SELENOO: variants seen among roughly 807,000 people sequenced by gnomAD.
SELENOO encodes the protein protein adenylyltransferase SelO, mitochondrial.
SELENOO carries 74 observed loss-of-function variants against 58.7 expected under a neutral mutation model. The observed-to-expected ratio is 1.26, with a 90% confidence interval of 1.04 to 1.53. SELENOO has a LOEUF of 1.53. Ranked by LOEUF, SELENOO falls within the 40% of genes most tolerant of loss-of-function variation. The probability of loss-of-function intolerance (pLI) is 0.00; values close to 1 mark genes in which losing one functional copy is unlikely to be tolerated. For missense variants in SELENOO, 1,149 were observed against 970.0 expected (o/e 1.18, Z -2.45); for synonymous variants, 543 against 453.2 (o/e 1.20, Z -2.52).
chr22:50,217,585 CA>C lies in SELENOO; in HGVS notation c.*217del. The C allele has an allele frequency of 1.0e-6, 1 of 973,060 alleles. No homozygotes were observed. The allele number at this position is 973,060 out of a possible 1,614,324, so 60.3% of individuals were successfully genotyped here. A position where few individuals can be genotyped will look rare whatever the true frequency, so the allele number is the denominator to read the frequency against. ...CAGCCTGGTCCCTGGGGGCTGGACC[CA>C]GGCTCCTAAATAAACCAGCAACTCC... is the stretch of plus-strand genomic sequence containing the variant. On this transcript the variant is annotated 3_prime_UTR_variant, in exon 9 of 9. Coordinates refer to ENST00000380903, the MANE Select transcript of SELENOO (RefSeq NM_031454.2).
chr22:50,206,147 C>T (rs777333876), intron 1 of SELENOO, 170 bp from the exon 2 acceptor site: 10 of 613,752 alleles, frequency 1.6e-5, no homozygotes, highest in Non-Finnish European at 2.6e-5. Flanking sequence ...TGGAACTGGG[C>T]GGTGTTGGAG....
chr22:50,212,276 G>T (rs1569103641), intron 5 of SELENOO, among the ~76,000 whole-genome samples: 1 of 152,076 alleles, frequency 6.6e-6, no homozygotes, highest in Admixed American at 6.6e-5. Flanking sequence ...GCTTTTCTTT[G>T]TTGGAAAAAT....
In SELENOO at chr22:50,210,670, C is replaced by T. The variant is rs557415907; in HGVS notation, c.1110C>T (p.Thr370=). 42 of 1,613,090 alleles carry T rather than the reference C, an allele frequency of 2.6e-5. No homozygotes were observed. The highest frequency in any genetic ancestry group is 2.2e-4 in the East Asian group (10 of 44,886). The change falls in exon 5 of 9, where the codon ACC becomes ACT. Residue 370 remains threonine (T), a synonymous_variant. Transcript: ENST00000380903. The part of the protein sequence containing the change: ...PDHVCNASDN[T]GRYAYSKQPE... ...ACGTGTGCAATGCCTCCGACAACACCGGCCGCTACGCGTACAGCAAGCAGC... is the reference window on the plus strand; with the variant it reads ...ACGTGTGCAATGCCTCCGACAACACTGGCCGCTACGCGTACAGCAAGCAGC...
At chr22:50,212,436 C>T (rs1473631049) in intron 5 of SELENOO, among the ~76,000 whole-genome samples, 2 of 152,102 alleles carry the variant, frequency 1.3e-5, no homozygotes, top group Non-Finnish European at 2.9e-5. Context: ...TATAATTGTT[C>T]GTAGCAGTTT....
In SELENOO at chr22:50,207,555, G is replaced by A. The variant is rs117996558; in HGVS notation, c.759-981G>A. On this transcript the variant is annotated intron_variant, in intron 2 of 8. Coordinates refer to ENST00000380903, the MANE Select transcript of SELENOO (RefSeq NM_031454.2). ...ACACCAGCCGCCCACCCCTGAGGCT[G>A]CCTGTGGGCCTCTGGCTTTTCCTGT... Among the ~76,000 whole-genome samples, 282 of 151,730 alleles carry A rather than the reference G, an allele frequency of 1.9e-3. 2 individuals carry two copies. The highest frequency in any genetic ancestry group is 1.9e-3 in the Non-Finnish European group (127 of 67,948).
In SELENOO at chr22:50,206,812, C is replaced by T. The variant is rs150856655; in HGVS notation, c.758+292C>T. ...CTCGTTGCAGCCAGAGATGGCCCTG[C>T]GGGAGCTGGTGTGTCTCAAAGCACC... On this transcript the variant is annotated intron_variant, in intron 2 of 8. Coordinates refer to ENST00000380903, the MANE Select transcript of SELENOO (RefSeq NM_031454.2). Among the ~76,000 whole-genome samples the T allele has an allele frequency of 2.7e-3, 405 of 152,262 alleles. 2 individuals are homozygous for T. Among genetic ancestry groups the T allele is most frequent in the Non-Finnish European group, 3.0e-3 (206 of 68,006 alleles).
chr22:50,210,685 C>T lies in SELENOO; in HGVS notation c.1125C>T (p.Tyr375=), dbSNP rs2064364135. ...CCGACAACACCGGCCGCTACGCGTA[C>T]AGCAAGCAGCCCGAGGTGTGCAGGT... is the stretch of plus-strand genomic sequence containing the variant. ...NASDNTGRYA[Y]SKQPEVCRWN... is the part of the protein sequence containing the mutation. The change falls in exon 5 of 9, where the codon TAC becomes TAT. Residue 375 remains tyrosine (Y), a synonymous_variant. Transcript: ENST00000380903. The T allele has an allele frequency of 1.9e-6, 3 of 1,613,208 alleles. No homozygotes were observed. Among genetic ancestry groups the T allele is most frequent in the Non-Finnish European group, 1.7e-6 (2 of 1,180,012 alleles).
rs754804886 is a variant in SELENOO, at chr22:50,208,724, G to C, written c.939+8G>C. On this transcript the variant is annotated splice_region_variant and intron_variant, in intron 3 of 8. Coordinates refer to ENST00000380903, the MANE Select transcript of SELENOO (RefSeq NM_031454.2). Reference sequence around the variant, plus strand: ...GCTGCCTTCTTCCGGGAGGTCAGTGGGCCGCACGCCACCCCTCCCTGCGGG... The same window carrying C: ...GCTGCCTTCTTCCGGGAGGTCAGTGCGCCGCACGCCACCCCTCCCTGCGGG... 6.2e-7 allele frequency: 1 copy of C among 1,608,960 alleles called. No individual in the cohort carries two copies. Among genetic ancestry groups the C allele is most frequent in the African/African-American group, 1.3e-5 (1 of 74,914 alleles).
chr22:50,206,452 G>GT lies in SELENOO; in HGVS notation c.692dup (p.Tyr232LeufsTer2). 1.2e-6 allele frequency: 2 copies of GT among 1,614,178 alleles called. No homozygotes were observed. Among genetic ancestry groups the GT allele is most frequent in the Non-Finnish European group, 1.7e-6 (2 of 1,180,034 alleles). ...CCGAGTCCACGGTGGTGCGCGACGTGTTCTATGATGGTAATCCCAAATATG... is the reference window on the plus strand; with the variant it reads ...CCGAGTCCACGGTGGTGCGCGACGTGTTTCTATGATGGTAATCCCAAATATG... On this transcript the variant is annotated frameshift_variant, in exon 2 of 9. Transcript: ENST00000380903. LOFTEE classifies it high-confidence loss of function.
At chr22:50,215,629 G>A (rs2064400671) in intron 5 of SELENOO, 88 bp from the exon 6 acceptor site, 3 of 1,212,652 alleles carry the variant, frequency 2.5e-6, no homozygotes, top group Non-Finnish European at 3.3e-6. Flanking sequence ...ACCTGTGCCA[G>A]GGGGGTGGGG....
intron 2 of SELENOO, 68 bp from the exon 3 acceptor site, chr22:50,208,468 C>T (rs760278556): frequency 1.4e-5 from 20 of 1,447,052 alleles, no homozygotes; most frequent in Non-Finnish European, 1.6e-5. Context: ...ACGTCTTTTC[C>T]TTTTTCTTAT....
intron 5 of SELENOO, among the ~76,000 whole-genome samples, chr22:50,215,420 C>T (rs1448286177): frequency 3.3e-5 from 5 of 151,154 alleles, no homozygotes; most frequent in African/African-American, 4.9e-5. Flanking sequence ...TTGTGTGGCA[C>T]CTGTGCTGGG....
At chr22:50,211,288 C>G (rs1269580864) in intron 5 of SELENOO, among the ~76,000 whole-genome samples, 1 of 152,142 alleles carries the variant, frequency 6.6e-6, no homozygotes, top group Non-Finnish European at 1.5e-5. Flanking sequence ...GTACGGTGCA[C>G]TGTGTGTTGT....
Position 50,217,505 on chromosome 22 carries a change from C to A in SELENOO, c.*136C>A. 14 of 1,160,140 alleles carry A rather than the reference C, an allele frequency of 1.2e-5. No individual in the cohort carries two copies. Among genetic ancestry groups the A allele is most frequent in the Non-Finnish European group, 1.7e-5 (14 of 824,190 alleles). 71.9% of individuals were successfully genotyped at this position (1,160,140 alleles called of 1,614,324 possible). ...ATGCACACCCGTCTTTCCATGATGG[C>A]AGAGACATCCAGTCAGGACCTGACC... On this transcript the variant is annotated 3_prime_UTR_variant, in exon 9 of 9. Transcript: ENST00000380903.
In SELENOO at chr22:50,201,117, G is replaced by A. The variant is rs1416792514; in HGVS notation, c.81G>A (p.Pro27=). 7.5e-7 allele frequency: 1 copy of A among 1,337,542 alleles called. No individual in the cohort carries two copies. The highest frequency in any genetic ancestry group is 9.6e-7 in the Non-Finnish European group (1 of 1,046,326). The allele number at this position is 1,337,542 out of a possible 1,614,324, so 82.9% of individuals were successfully genotyped here. A position where few individuals can be genotyped will look rare whatever the true frequency, so the allele number is the denominator to read the frequency against. Residue 27 remains proline, a synonymous_variant, in exon 1 of 9, where the codon CCG becomes CCA. Coordinates refer to ENST00000380903, the MANE Select transcript of SELENOO (RefSeq NM_031454.2). ...CCCTCGGTCGCTGTTCCCCGTCGCC[G>A]GCGCCCCGCTCTACGTTGTCGGGCG... is the stretch of plus-strand genomic sequence containing the variant. ...LLPLGRCSPS[P]APRSTLSGAA...
In SELENOO at chr22:50,217,513, TCC is replaced by T; in HGVS notation, c.*145_*146del. On this transcript the variant is annotated 3_prime_UTR_variant, in exon 9 of 9. Transcript: ENST00000380903. ...CCGTCTTTCCATGATGGCAGAGACA[TCC>T]AGTCAGGACCTGACCCGTCTCTGTC... is the stretch of plus-strand genomic sequence containing the variant. 1 of 1,142,664 alleles carries T rather than the reference TCC, an allele frequency of 8.8e-7. No individual in the cohort carries two copies. Among genetic ancestry groups the T allele is most frequent in the Non-Finnish European group, 1.2e-6 (1 of 809,802 alleles). The allele number at this position is 1,142,664 out of a possible 1,614,324, so 70.8% of individuals were successfully genotyped here. A position where few individuals can be genotyped will look rare whatever the true frequency, so the allele number is the denominator to read the frequency against.
intron 5 of SELENOO, among the ~76,000 whole-genome samples, 168 bp from the exon 6 acceptor site, chr22:50,215,549 G>A (rs1485985607): frequency 1.3e-5 from 2 of 151,046 alleles, no homozygotes; most frequent in East Asian, 2.0e-4. Context: ...GAGGGTGTGG[G>A]TCAGGGAGCG....
intron 2 of SELENOO, 165 bp from the exon 3 acceptor site, chr22:50,208,371 G>A (rs1428623641): frequency 1.7e-6 from 1 of 571,822 alleles, no homozygotes; most frequent in South Asian, 2.2e-5. Flanking sequence ...TGGAGGTTGT[G>A]GTGAGGCGAG....
chr22:50,209,899 G>C (rs772590610), intron 3 of SELENOO, among the ~76,000 whole-genome samples: 1 of 152,212 alleles, frequency 6.6e-6, no homozygotes, highest in Non-Finnish European at 1.5e-5. Flanking sequence ...GCTTCTTTGG[G>C]GTCTCTACTG....
Sources: allele counts gnomAD v4.1 joint callset (sites outside exome capture counted in the v4.1 genomes callset), GRCh38; gene constraint gnomAD v4.1.1; transcripts MANE v1.5; gene names NCBI Gene and HGNC (gene_info 2026-07-23, HGNC 2026-07-21).